Variants in DDX4 observed in about 807,000 individuals in gnomAD.
DDX4 encodes the protein probable ATP-dependent RNA helicase DDX4.
A neutral mutation model predicts 100.0 loss-of-function variants in DDX4; 25 were observed. The ratio of observed to expected loss-of-function variants is 0.25; its 90% CI spans 0.18 to 0.35. DDX4 has a LOEUF of 0.35. Among genes scored for constraint, DDX4 ranks in the 10% least tolerant of loss-of-function variants. The pLI, the probability that DDX4 is intolerant of heterozygous loss-of-function variation, is 1.00. For missense variants in DDX4, 635 were observed against 882.4 expected (o/e 0.72, Z 3.55); for synonymous variants, 259 against 275.7 (o/e 0.94, Z 0.60).
At chr5:55,794,555 GTAAC>G (rs1007414568) in intron 17 of DDX4, among the ~76,000 whole-genome samples, 1 of 151,948 alleles carries the variant, frequency 6.6e-6, no homozygotes, top group Non-Finnish European at 1.5e-5. Context: ...ATTTGCTTTG[GTAAC>G]TATCTAATTA....
At chr5:55,781,503 G>T (rs571792212) in intron 9 of DDX4, among the ~76,000 whole-genome samples, 1 of 152,182 alleles carries the variant, frequency 6.6e-6, no homozygotes, top group Non-Finnish European at 1.5e-5. Flanking sequence ...GAGGCCGGGC[G>T]TGGTGGCTCA....
chr5:55,782,212 T>C (rs549602165), intron 10 of DDX4: 53 of 520,330 alleles, frequency 1.0e-4, no homozygotes, highest in African/African-American at 9.3e-4. Context: ...ATAGGAATTA[T>C]ATACTATAGA....
intron 5 of DDX4, 50 bp downstream of exon 5, chr5:55,763,302 A>G: frequency 8.4e-7 from 1 of 1,186,084 alleles, no homozygotes; most frequent in African/African-American, 1.5e-5. Context: ...GTGATTTTTT[A>G]ATAATTGAGT....
chr5:55,794,257 G>A (rs1434308687), intron 17 of DDX4, among the ~76,000 whole-genome samples: 1 of 147,296 alleles, frequency 6.8e-6, no homozygotes, highest in Non-Finnish European at 1.5e-5. Context: ...GCGCGATCTT[G>A]GCTCACTGCA....
intron 7 of DDX4, among the ~76,000 whole-genome samples, chr5:55,770,758 G>T (rs150080073): frequency 1.3e-5 from 2 of 152,236 alleles, no homozygotes; most frequent in Non-Finnish European, 2.9e-5. Context: ...ATTGTGGAGA[G>T]GGGTGGTGGT....
intron 14 of DDX4, among the ~76,000 whole-genome samples, chr5:55,786,939 AG>A (rs1408099065): frequency 2.6e-5 from 4 of 152,250 alleles, no homozygotes; most frequent in African/African-American, 9.6e-5. Flanking sequence ...TCTTAAACAA[AG>A]TGACTGAAAG....
At chr5:55,767,219 C>T (rs961306653) in intron 6 of DDX4, among the ~76,000 whole-genome samples, 1 of 152,154 alleles carries the variant, frequency 6.6e-6, no homozygotes, top group South Asian at 2.1e-4. Flanking sequence ...GTGGGCGAAT[C>T]ACCTGAGGTT....
At chr5:55,813,846 A>C in intron 19 of DDX4, 74 bp downstream of exon 19, 1 of 1,412,370 alleles carries the variant, frequency 7.1e-7, no homozygotes, top group Non-Finnish European at 9.3e-7. Context: ...AGTTTATATA[A>C]CTAATATGAT....
chr5:55,774,882 G>A (rs897473387), intron 7 of DDX4, among the ~76,000 whole-genome samples: 10 of 152,064 alleles, frequency 6.6e-5, no homozygotes, highest in Admixed American at 5.9e-4. Context: ...GAGCTTTTTT[G>A]TGGTAAGATC....
chr5:55,772,418 G>A (rs1021765968), intron 7 of DDX4, among the ~76,000 whole-genome samples: 13 of 152,034 alleles, frequency 8.6e-5, no homozygotes, highest in Non-Finnish European at 1.3e-4. Flanking sequence ...GTTTTATTCC[G>A]TTGGTCAGTT....
intron 17 of DDX4, among the ~76,000 whole-genome samples, chr5:55,795,847 A>C (rs995096546): frequency 2.4e-4 from 37 of 152,152 alleles, no homozygotes; most frequent in African/African-American, 8.7e-4. Context: ...ATATAAAAGG[A>C]AGTTTATTAG....
Position 55,772,653 on chromosome 5 carries a change from G to A in DDX4, c.394+4713G>A, listed in dbSNP as rs193291035. Among the ~76,000 whole-genome samples the A allele has an allele frequency of 1.2e-3, 180 of 152,240 alleles. 2 individuals are homozygous for A. In the South Asian group the frequency reaches 0.013, roughly 11 times the overall value. On this transcript the variant is annotated intron_variant, in intron 7 of 21. Coordinates refer to ENST00000505374, the MANE Select transcript of DDX4 (RefSeq NM_024415.3). ...CTCTCATGAATAGACCTGTTTCCTT[G>A]TGGGGCTGTTGAGTGAGTTGCCTAC...
chr5:55,763,983 AG>A (rs1193687243), intron 5 of DDX4, 30 bp from the exon 6 acceptor site: 1 of 1,514,936 alleles, frequency 6.6e-7, no homozygotes, highest in Non-Finnish European at 9.2e-7. Context: ...ACAGAGGTAC[AG>A]GAAATTGTTT....
At chr5:55,763,899 A>T in intron 5 of DDX4, 115 bp from the exon 6 acceptor site, 1 of 693,230 alleles carries the variant, frequency 1.4e-6, no homozygotes, top group Non-Finnish European at 2.5e-6. Context: ...TGTGATAGCT[A>T]TGTATACAAT....
intron 18 of DDX4, among the ~76,000 whole-genome samples, chr5:55,806,238 C>T (rs1743704116): frequency 6.6e-6 from 1 of 151,988 alleles, no homozygotes. Flanking sequence ...GTCTTGCTAG[C>T]AGTCTGTCAA....
intron 3 of DDX4, among the ~76,000 whole-genome samples, chr5:55,747,560 A>G (rs1759309928): frequency 6.6e-6 from 1 of 152,166 alleles, no homozygotes; most frequent in Admixed American, 6.5e-5. Context: ...AAACAAAACA[A>G]AAACATTAAA....
At chr5:55,793,026 G>A (rs1742679574) in intron 17 of DDX4, among the ~76,000 whole-genome samples, 1 of 111,312 alleles carries the variant, frequency 9.0e-6, no homozygotes, top group Non-Finnish European at 1.7e-5. Flanking sequence ...TTTAAAAAGT[G>A]TGTGTGTGTG....
intron 18 of DDX4, among the ~76,000 whole-genome samples, chr5:55,811,861 C>T (rs1022288902): frequency 1.3e-5 from 2 of 152,164 alleles, no homozygotes; most frequent in African/African-American, 4.8e-5. Context: ...CACAGATTTC[C>T]GTTTTCATAC....
intron 17 of DDX4, among the ~76,000 whole-genome samples, chr5:55,796,378 C>T (rs565685432): frequency 1.3e-5 from 2 of 152,320 alleles, no homozygotes; most frequent in East Asian, 3.9e-4. Flanking sequence ...CTGTTAGCTT[C>T]TCTATTTCCC....
Sources: allele counts gnomAD v4.1 joint callset (sites outside exome capture counted in the v4.1 genomes callset), GRCh38; gene constraint gnomAD v4.1.1; transcripts MANE v1.5; gene names NCBI Gene and HGNC (gene_info 2026-07-23, HGNC 2026-07-21).